The following NRG1 variants were observed in gnomAD, a reference collection of about 807,000 sequenced individuals.
NRG1 encodes the protein neuregulin 1.
NRG1 carries 18 observed loss-of-function variants against 63.8 expected under a neutral mutation model. The ratio of observed to expected loss-of-function variants is 0.28; its 90% confidence interval spans 0.19 to 0.42. The LOEUF is 0.42. NRG1 is among the 10% of genes least tolerant of loss of function. The pLI is 1.00. For missense variants in NRG1, 762 were observed against 814.7 expected (o/e 0.94, Z 0.79); for synonymous variants, 302 against 301.3 (o/e 1.00, Z -0.02).
chr8:31,993,610 G>C (rs1391909032), intron 1 of NRG1, among the ~76,000 whole-genome samples: 1 of 151,916 alleles, frequency 6.6e-6, no homozygotes, highest in Non-Finnish European at 1.5e-5. Flanking sequence ...CTTCCATTTT[G>C]AATGTGAGGC....
intron 1 of NRG1, among the ~76,000 whole-genome samples, chr8:32,177,545 C>T (rs938145775): frequency 1.2e-4 from 18 of 151,846 alleles, no homozygotes; most frequent in African/African-American, 4.1e-4. Flanking sequence ...CCTCCCTTTT[C>T]CCCCCATCCC....
At chr8:31,934,518 C>T (rs574575146) in intron 1 of NRG1, among the ~76,000 whole-genome samples, 208 of 150,126 alleles carry the variant, frequency 1.4e-3, no homozygotes, top group Middle Eastern at 6.8e-3. Context: ...CTCTACCTCC[C>T]GGGTTCAAGC....
In NRG1 at chr8:32,710,727, A is replaced by G. The variant is rs368164192; in HGVS notation, c.503-17222A>G. Among the ~76,000 whole-genome samples, 11 of 152,336 alleles carry G rather than the reference A, an allele frequency of 7.2e-5. No homozygotes were observed. In the South Asian group the frequency reaches 2.3e-3, roughly 32 times the overall value. On this transcript the variant is annotated intron_variant, in intron 5 of 11. Transcript: ENST00000356819. ...ATGTGGTCACATCATTGAATTTCTG[A>G]TAACTTTCATATTATACTTTAGTCT...
intron 1 of NRG1, among the ~76,000 whole-genome samples, chr8:32,344,554 A>G (rs919973370): frequency 1.4e-5 from 2 of 147,252 alleles, no homozygotes; most frequent in African/African-American, 2.5e-5. Flanking sequence ...ACCTCACCTT[A>G]GCCTCCCAAG....
intron 6 of NRG1, among the ~76,000 whole-genome samples, chr8:32,730,187 C>A (rs1266323995): frequency 2.0e-5 from 3 of 152,136 alleles, no homozygotes; most frequent in African/African-American, 7.2e-5. Flanking sequence ...CAGGTGCATG[C>A]CTGTAATCTC....
intron 1 of NRG1, among the ~76,000 whole-genome samples, chr8:31,726,113 G>A (rs2131330219): frequency 6.6e-6 from 1 of 152,046 alleles, no homozygotes; most frequent in Non-Finnish European, 1.5e-5. Context: ...ACTTTTCCAG[G>A]GGGTTTTAGT....
intron 1 of NRG1, among the ~76,000 whole-genome samples, chr8:32,181,473 C>G (rs1446964327): frequency 6.6e-6 from 1 of 152,148 alleles, no homozygotes; most frequent in African/African-American, 2.4e-5. Flanking sequence ...CATATGCAGG[C>G]ACACAATAAA....
intron 1 of NRG1, among the ~76,000 whole-genome samples, chr8:32,041,703 T>G (rs771024263): frequency 1.1e-4 from 16 of 152,080 alleles, no homozygotes; most frequent in Non-Finnish European, 1.0e-4. Flanking sequence ...CTTCTTGGCC[T>G]CCAACATGGG....
chr8:31,930,070 A>G (rs1223854089), intron 1 of NRG1, among the ~76,000 whole-genome samples: 2 of 152,180 alleles, frequency 1.3e-5, no homozygotes, highest in Non-Finnish European at 2.9e-5. Context: ...AGACTAAGAA[A>G]TTAACTAGTG....
At chr8:32,415,236 C>T (rs1451936764) in intron 1 of NRG1, among the ~76,000 whole-genome samples, 3 of 151,642 alleles carry the variant, frequency 2.0e-5, no homozygotes, top group East Asian at 1.9e-4. Context: ...GATGAAACCC[C>T]GTCTCTATTA....
chr8:32,683,571 T>A (rs1231373135), intron 5 of NRG1, among the ~76,000 whole-genome samples: 1 of 152,142 alleles, frequency 6.6e-6, no homozygotes, highest in Non-Finnish European at 1.5e-5. Flanking sequence ...GCCACCCCCA[T>A]GTTTTATTGG....
intron 1 of NRG1, among the ~76,000 whole-genome samples, chr8:32,127,867 G>A (rs1834305317): frequency 6.6e-6 from 1 of 151,750 alleles, no homozygotes; most frequent in Admixed American, 6.6e-5. Flanking sequence ...TAAGGCTGTA[G>A]TGTGCCATGG....
intron 1 of NRG1, among the ~76,000 whole-genome samples, chr8:31,853,248 GA>G (rs1189052448): frequency 6.6e-6 from 1 of 152,088 alleles, no homozygotes; most frequent in Non-Finnish European, 1.5e-5. Flanking sequence ...CATGAGCATG[GA>G]ATGTTCTTCC....
At chr8:31,896,042 C>T (rs955645185) in intron 1 of NRG1, among the ~76,000 whole-genome samples, 1 of 152,092 alleles carries the variant, frequency 6.6e-6, no homozygotes, top group African/African-American at 2.4e-5. Context: ...CCATTTTCTG[C>T]ATAAGAAAAC....
At chr8:32,403,724 C>T (rs1813551284) in intron 1 of NRG1, among the ~76,000 whole-genome samples, 1 of 152,110 alleles carries the variant, frequency 6.6e-6, no homozygotes, top group African/African-American at 2.4e-5. Flanking sequence ...TTATTTTAAT[C>T]AGATCGACAT....
chr8:32,746,355 C>G (rs568114528), intron 7 of NRG1, among the ~76,000 whole-genome samples: 1 of 152,128 alleles, frequency 6.6e-6, no homozygotes, highest in African/African-American at 2.4e-5. Flanking sequence ...AAAGTCAAGA[C>G]TTTAAGATTT....
At chr8:32,151,027 T>C (rs34442697) in intron 1 of NRG1, among the ~76,000 whole-genome samples, 14,800 of 152,172 alleles carry the variant, frequency 0.097, 1,028 homozygotes, top group East Asian at 0.34. Context: ...ATAGCAAAAC[T>C]GTAAACTTGA....
intron 1 of NRG1, among the ~76,000 whole-genome samples, chr8:32,213,604 G>A (rs1187581321): frequency 3.3e-5 from 5 of 151,756 alleles, no homozygotes; most frequent in South Asian, 2.1e-4. Context: ...CATGTATCCC[G>A]GAACTTAAAA....
At chr8:32,726,836 G>C (rs1822317385) in intron 5 of NRG1, among the ~76,000 whole-genome samples, 2 of 149,930 alleles carry the variant, frequency 1.3e-5, no homozygotes, top group South Asian at 4.2e-4. Context: ...TAGTAAGGAA[G>C]ACAGAAAGGA....
Sources: allele counts gnomAD v4.1 joint callset (sites outside exome capture counted in the v4.1 genomes callset), GRCh38; gene constraint gnomAD v4.1.1; transcripts MANE v1.5; gene names NCBI Gene and HGNC (gene_info 2026-07-23, HGNC 2026-07-21).